SORCS3: variants seen among roughly 807,000 people sequenced by gnomAD.
SORCS3 encodes sortilin related VPS10 domain containing receptor 3, also known as VPS10 domain-containing receptor SorCS3.
In SORCS3, 57 loss-of-function variants were observed where a neutral mutation model predicts 146.3. That is an observed-to-expected ratio of 0.39 (90% CI 0.31 to 0.49). SORCS3 has a LOEUF of 0.49. SORCS3 is among the 20% of genes least tolerant of loss of function. The pLI is 0.92. For missense variants in SORCS3, 1,341 were observed against 1,575.5 expected (o/e 0.85, Z 2.52); for synonymous variants, 653 against 618.5 (o/e 1.06, Z -0.83).
intron 1 of SORCS3, among the ~76,000 whole-genome samples, chr10:104,776,527 CA>C (rs1440405770): frequency 6.6e-6 from 1 of 152,128 alleles, no homozygotes; most frequent in Non-Finnish European, 1.5e-5. Context: ...TTTTTCAGGT[CA>C]CACTCTGCTA....
chr10:104,724,976 C>T (rs369328036), intron 1 of SORCS3, among the ~76,000 whole-genome samples: 12 of 152,332 alleles, frequency 7.9e-5, no homozygotes, highest in African/African-American at 2.6e-4. Context: ...TCTCTCAACT[C>T]GTCAAAGTCA....
intron 4 of SORCS3, among the ~76,000 whole-genome samples, chr10:105,031,362 C>CAAAA (rs1554870578): frequency 2.8e-5 from 4 of 143,806 alleles, no homozygotes; most frequent in African/African-American, 1.1e-4. Context: ...CACACACACA[C>CAAAA]AAAAACATGT....
intron 7 of SORCS3, among the ~76,000 whole-genome samples, chr10:105,114,782 A>G (rs1275694873): frequency 6.6e-6 from 1 of 152,136 alleles, no homozygotes; most frequent in Non-Finnish European, 1.5e-5. Flanking sequence ...GTAATATTCT[A>G]TAGACCTGGC....
At chr10:104,870,162 T>A (rs2018504287) in intron 2 of SORCS3, among the ~76,000 whole-genome samples, 1 of 152,206 alleles carries the variant, frequency 6.6e-6, no homozygotes, top group Admixed American at 6.5e-5. Context: ...TTTTACCATA[T>A]TTTTTATCAT....
chr10:104,775,381 C>T (rs1372772227), intron 1 of SORCS3, among the ~76,000 whole-genome samples: 1 of 152,198 alleles, frequency 6.6e-6, no homozygotes, highest in Non-Finnish European at 1.5e-5. Flanking sequence ...CATGCCAAGT[C>T]TTTGTTAGGT....
intron 1 of SORCS3, among the ~76,000 whole-genome samples, chr10:104,740,935 A>G (rs1312660002): frequency 6.6e-6 from 1 of 151,804 alleles, no homozygotes; most frequent in Admixed American, 6.6e-5. Context: ...TAAAGAGTAA[A>G]TTAAGGCCTT....
At chr10:104,983,889 G>A (rs1232454577) in intron 4 of SORCS3, among the ~76,000 whole-genome samples, 1 of 151,898 alleles carries the variant, frequency 6.6e-6, no homozygotes, top group Admixed American at 6.6e-5. Flanking sequence ...TAAACTCAGG[G>A]TCATTCTTTC....
At chr10:104,820,540 A>T (rs1348652167) in intron 1 of SORCS3, among the ~76,000 whole-genome samples, 2 of 152,154 alleles carry the variant, frequency 1.3e-5, no homozygotes, top group Admixed American at 6.5e-5. Flanking sequence ...CTTTTTGAAC[A>T]CCTACTGTGG....
At chr10:104,718,973 T>C (rs1445806241) in intron 1 of SORCS3, among the ~76,000 whole-genome samples, 1 of 152,218 alleles carries the variant, frequency 6.6e-6, no homozygotes, top group Admixed American at 6.5e-5. Flanking sequence ...ATGTAAATTT[T>C]CTCATAGCCA....
intron 20 of SORCS3, among the ~76,000 whole-genome samples, chr10:105,231,849 A>G (rs1041429371): frequency 3.9e-5 from 6 of 152,152 alleles, no homozygotes; most frequent in Non-Finnish European, 5.9e-5. Context: ...CTTGGGATAA[A>G]TTCTCATAGT....
chr10:104,717,328 A>T (rs890562824), intron 1 of SORCS3, among the ~76,000 whole-genome samples: 1 of 151,682 alleles, frequency 6.6e-6, no homozygotes, highest in Admixed American at 6.6e-5. Context: ...GGAAAAAGAA[A>T]ATGTCAGCAT....
At chr10:105,153,798 C>T (rs962966306) in intron 9 of SORCS3, among the ~76,000 whole-genome samples, 4 of 151,856 alleles carry the variant, frequency 2.6e-5, no homozygotes, top group African/African-American at 2.4e-5. Context: ...AGGCTGGGCG[C>T]GGTGGCTCAC....
chr10:105,252,735 G>A, intron 22 of SORCS3, 40 bp from the exon 23 acceptor site: 1 of 1,612,580 alleles, frequency 6.2e-7, no homozygotes, highest in East Asian at 2.2e-5. Context: ...GGGGAGGGCT[G>A]GCTCCTCCAC....
intron 20 of SORCS3, among the ~76,000 whole-genome samples, chr10:105,223,787 A>G (rs1472278949): frequency 6.6e-6 from 1 of 152,226 alleles, no homozygotes; most frequent in African/African-American, 2.4e-5. Flanking sequence ...TGGACTTGCC[A>G]TATACTCCCT....
At chr10:104,957,865 C>T (rs1202977259) in intron 3 of SORCS3, among the ~76,000 whole-genome samples, 1 of 152,090 alleles carries the variant, frequency 6.6e-6, no homozygotes, top group East Asian at 1.9e-4. Context: ...TTCTGCGTCA[C>T]GTTGAGAAGG....
chr10:105,036,707 C>G (rs1232112134), intron 4 of SORCS3, among the ~76,000 whole-genome samples: 2 of 152,232 alleles, frequency 1.3e-5, no homozygotes, highest in Non-Finnish European at 2.9e-5. Context: ...TCTTTCCTGT[C>G]TATTACAAAT....
intron 5 of SORCS3, among the ~76,000 whole-genome samples, chr10:105,079,040 A>C (rs535342486): frequency 1.3e-5 from 2 of 151,968 alleles, no homozygotes; most frequent in East Asian, 3.9e-4. Flanking sequence ...CCTGGACTTG[A>C]CTCCTGGTTA....
intron 3 of SORCS3, among the ~76,000 whole-genome samples, chr10:104,928,594 C>T (rs571458331): frequency 2.0e-4 from 30 of 152,124 alleles, no homozygotes; most frequent in Non-Finnish European, 4.0e-4. Flanking sequence ...GCCCCCAGTT[C>T]GTGCCCCCAT....
intron 7 of SORCS3, among the ~76,000 whole-genome samples, chr10:105,129,291 T>TCTCAGCTC (rs922530786): frequency 6.6e-5 from 10 of 150,410 alleles, no homozygotes; most frequent in African/African-American, 2.4e-4. Flanking sequence ...TTTAACCTCC[T>TCTCAGCTC]CTCAGCTCCA....
Sources: gnomAD v4.1 joint callset for allele counts (sites outside exome capture counted in the v4.1 genomes callset) on GRCh38, gnomAD v4.1.1 for gene constraint, MANE v1.5 for transcripts, NCBI Gene and HGNC (gene_info 2026-07-23, HGNC 2026-07-21) for gene names.